CACNA1A: variants seen among roughly 807,000 people sequenced by gnomAD.
CACNA1A encodes calcium voltage-gated channel subunit alpha1 A.
Under a neutral mutation model 262.4 loss-of-function variants are expected in CACNA1A, and 57 were observed. The observed-to-expected ratio is 0.22, with a 90% CI of 0.18 to 0.27. The LOEUF (loss-of-function observed/expected upper bound fraction) is 0.27. Ranked by LOEUF, CACNA1A falls within the 10% of genes least tolerant of loss-of-function variation. The pLI is 1.00. For synonymous variants in CACNA1A, 1,431 were observed against 1,419.3 expected (o/e 1.01, Z -0.18); for missense variants, 2,526 against 3,562.8 (o/e 0.71, Z 7.41).
At chr19:13,376,830 C>CATAATAT (rs572403563) in intron 3 of CACNA1A, among the ~76,000 whole-genome samples, 3,897 of 80,258 alleles carry the variant, frequency 0.049, 75 homozygotes, top group South Asian at 0.11. Flanking sequence ...ATATATAACA[C>CATAATAT]ATGTTATATG....
chr19:13,254,608 C>T (rs1038258167), intron 29 of CACNA1A, among the ~76,000 whole-genome samples: 8 of 151,922 alleles, frequency 5.3e-5, no homozygotes, highest in East Asian at 1.9e-4. Flanking sequence ...GTGATCCGCC[C>T]GCCTCGGCCT....
At chr19:13,371,405 T>C (rs1457356203) in intron 4 of CACNA1A, 6 of 367,080 alleles carry the variant, frequency 1.6e-5, no homozygotes, top group South Asian at 5.6e-5. Context: ...ATCAACTTCA[T>C]AGGGCTGTGA....
intron 37 of CACNA1A, chr19:13,226,044 C>T (rs2055424182): frequency 6.6e-6 from 1 of 151,970 alleles, no homozygotes; most frequent in Non-Finnish European, 1.5e-5. Flanking sequence ...AAAAAAGTGT[C>T]TTGTTCTCAC....
intron 17 of CACNA1A, 125 bp from the exon 18 acceptor site, chr19:13,300,781 A>T (rs2057770777): frequency 1.3e-6 from 1 of 761,766 alleles, no homozygotes; most frequent in African/African-American, 1.7e-5. Context: ...AAGGCTCCCC[A>T]ATTGGAATGG....
At position 13,224,775 on chromosome 19, in the gene CACNA1A, A is replaced by G. The variant is rs2055372579; in HGVS notation, c.5626-3T>C. 1.9e-6 allele frequency: 3 copies of G among 1,602,246 alleles called. No homozygotes were observed. The highest frequency in any genetic ancestry group is 1.3e-5 in the African/African-American group (1 of 74,700). ...GGCAGGTCCATCCGCAGAAGCCGCT[A>G]CAGAAAACCCAAGGCAAGCGCAGTC... On this transcript the variant is annotated splice_polypyrimidine_tract_variant and splice_region_variant and intron_variant, in intron 37 of 46. Transcript: ENST00000360228.
intron 17 of CACNA1A, 32 bp downstream of exon 17, chr19:13,303,512 CTT>C (rs1003547734): frequency 1.6e-6 from 2 of 1,251,720 alleles, no homozygotes; most frequent in African/African-American, 3.4e-5. Flanking sequence ...CAGGTGGTAA[CTT>C]TGCCAGAGAA....
intron 1 of CACNA1A, among the ~76,000 whole-genome samples, chr19:13,464,770 G>T (rs563204517): frequency 6.6e-6 from 1 of 151,662 alleles, no homozygotes; most frequent in East Asian, 2.0e-4. Context: ...GGGTGGTCTC[G>T]ATCTCCTGAC....
chr19:13,434,060 T>C (rs1291413713), intron 3 of CACNA1A, among the ~76,000 whole-genome samples: 1 of 152,178 alleles, frequency 6.6e-6, no homozygotes, highest in Non-Finnish European at 1.5e-5. Flanking sequence ...TTCTCATCTG[T>C]AAAATGGGGA....
chr19:13,419,133 G>C (rs1290076500), intron 3 of CACNA1A, among the ~76,000 whole-genome samples: 1 of 152,158 alleles, frequency 6.6e-6, no homozygotes, highest in African/African-American at 2.4e-5. Flanking sequence ...GACCTCAGGT[G>C]ATCTGGAATT....
intron 1 of CACNA1A, among the ~76,000 whole-genome samples, chr19:13,490,589 G>A (rs528129748): frequency 4.1e-4 from 61 of 150,494 alleles, no homozygotes; most frequent in South Asian, 1.3e-3. Context: ...GCAACAGAGC[G>A]AGACTCCATC....
rs377458008 is a variant in CACNA1A, at chr19:13,317,299, G to A, written c.1368C>T (p.Ser456=). The A allele has an allele frequency of 1.5e-4, 239 of 1,606,302 alleles. No individual in the cohort carries two copies. Among genetic ancestry groups the A allele is most frequent in the Non-Finnish European group, 1.8e-4 (214 of 1,173,566 alleles). ...ASVGSPFARA[S]IKSAKLENST... is the part of the protein sequence containing the mutation. ...AGTTCTCCAGCTTGGCACTTTTAAT[G>A]CTGGCTCGGGCGAAGGGAGAACCTG... Residue 456 remains serine, a synonymous_variant, in exon 11 of 47, where the codon AGC becomes AGT. Transcript: ENST00000360228.
In CACNA1A at chr19:13,330,199, C is replaced by T. The variant is rs1013136740; in HGVS notation, c.1345+45G>A. On this transcript the variant is annotated intron_variant, in intron 10 of 46. Coordinates refer to ENST00000360228, the MANE Select transcript of CACNA1A (RefSeq NM_001127222.2). The stretch of plus-strand genomic sequence containing the variant: ...CCCCCACCCCACCATGTCTCTTGGG[C>T]GATAGGTGATGAACAACTGATAGGT... 1.4e-5 allele frequency: 20 copies of T among 1,388,046 alleles called. No homozygotes were observed. The African/African-American group carries it at 2.3e-4, about 16-fold the overall frequency. 86.0% of individuals were successfully genotyped at this position (1,388,046 alleles called of 1,614,324 possible).
At chr19:13,227,834 C>T (rs981121566) in intron 36 of CACNA1A, among the ~76,000 whole-genome samples, 1 of 147,586 alleles carries the variant, frequency 6.8e-6, no homozygotes, top group Non-Finnish European at 1.5e-5. Flanking sequence ...AGCTACAGTT[C>T]TGGAGGGATG....
At chr19:13,379,990 T>C (rs1433286419) in intron 3 of CACNA1A, among the ~76,000 whole-genome samples, 1 of 134,822 alleles carries the variant, frequency 7.4e-6, no homozygotes, top group African/African-American at 2.8e-5. Context: ...TAAGAGCTAC[T>C]TATGAAATTT....
rs776799566 is a variant in CACNA1A at position 13,286,795 on chromosome 19, G to A, written c.3261C>T (p.His1087=). The A allele has an allele frequency of 8.1e-6, 13 of 1,612,968 alleles. No homozygotes were observed. Among genetic ancestry groups the A allele is most frequent in the Middle Eastern group, 1.6e-4 (1 of 6,082 alleles). Residue 1087 remains histidine, a synonymous_variant, in exon 20 of 47, where the codon CAC becomes CAT. Transcript: ENST00000360228. Reference sequence around the variant, plus strand: ...TGGCTGGGCTCTGGGGCAGGCCGGCGTGGCCAAGGCTGCCGTGGGGAGCGG... The same window carrying A: ...TGGCTGGGCTCTGGGGCAGGCCGGCATGGCCAAGGCTGCCGTGGGGAGCGG... ...ESAAPHGSLG[H]AGLPQSPAKM... is the part of the protein sequence containing the mutation.
At chr19:13,456,657 G>C (rs1034687072) in intron 1 of CACNA1A, among the ~76,000 whole-genome samples, 5 of 152,138 alleles carry the variant, frequency 3.3e-5, no homozygotes, top group African/African-American at 9.7e-5. Flanking sequence ...CTGGGCGACA[G>C]AGCGAGACTC....
At chr19:13,410,110 A>G (rs1445103149) in intron 3 of CACNA1A, among the ~76,000 whole-genome samples, 1 of 151,836 alleles carries the variant, frequency 6.6e-6, no homozygotes, top group Non-Finnish European at 1.5e-5. Flanking sequence ...TGTACACCAA[A>G]TGCCATCCCC....
At position 13,241,553 on chromosome 19, in the gene CACNA1A, G is replaced by A; in HGVS notation, c.4950+3629C>T. On this transcript the variant is annotated intron_variant, in intron 31 of 46. Transcript: ENST00000360228. The surrounding 1 kb of genome is among the most constrained non-coding windows in gnomAD (Gnocchi z 4.0). ...TAGATGCAGATGTTGAAGATGAGGG[G>A]GAGCGGGCGGGCGGGGGCAGTTGGG... 1 of 1,321,448 alleles carries A rather than the reference G, an allele frequency of 7.6e-7. No homozygotes were observed. Among genetic ancestry groups the A allele is most frequent in the Non-Finnish European group, 1.1e-6 (1 of 946,388 alleles). 81.9% of individuals were successfully genotyped at this position (1,321,448 alleles called of 1,614,324 possible).
At chr19:13,348,513 G>A (rs1466933317) in intron 6 of CACNA1A, among the ~76,000 whole-genome samples, 2 of 152,046 alleles carry the variant, frequency 1.3e-5, no homozygotes, top group African/African-American at 4.8e-5. Flanking sequence ...GACCAGCCCG[G>A]CCAACATGTT....
Sources: allele counts gnomAD v4.1 joint callset (sites outside exome capture counted in the v4.1 genomes callset), GRCh38; gene constraint gnomAD v4.1.1; non-coding constraint Gnocchi (gnomAD v3.1); transcripts MANE v1.5; gene names NCBI Gene and HGNC (gene_info 2026-07-23, HGNC 2026-07-21).